GSTO1: variants seen among roughly 807,000 people sequenced by gnomAD.
GSTO1 encodes the protein glutathione S-transferase omega-1.
In GSTO1, 27 loss-of-function variants were observed where a neutral mutation model predicts 23.8. The observed-to-expected ratio is 1.13, with a 90% confidence interval of 0.83 to 1.56. The LOEUF (loss-of-function observed/expected upper bound fraction) is 1.56, where lower values mean the gene tolerates loss of function less well. GSTO1 is among the 40% of genes most tolerant of loss of function. The pLI is 0.00. For missense variants in GSTO1, 255 were observed against 285.8 expected (o/e 0.89, Z 0.78); for synonymous variants, 105 against 109.3 (o/e 0.96, Z 0.25).
intron 2 of GSTO1, among the ~76,000 whole-genome samples, chr10:104,257,854 A>T (rs2011108594): frequency 6.6e-6 from 1 of 152,190 alleles, no homozygotes; most frequent in African/African-American, 2.4e-5. Context: ...CCACAGATTT[A>T]TTCATTCATT....
chr10:104,255,109 CG>C, intron 1 of GSTO1, 53 bp from the exon 2 acceptor site: 2 of 1,468,168 alleles, frequency 1.4e-6, no homozygotes, highest in South Asian at 1.2e-5. Flanking sequence ...CGGTGGGATA[CG>C]GGGGGTCTCG....
chr10:104,260,588 A>G (rs1163837053), intron 3 of GSTO1, among the ~76,000 whole-genome samples: 2 of 152,252 alleles, frequency 1.3e-5, no homozygotes, highest in Non-Finnish European at 2.9e-5. Flanking sequence ...CTTACTTAGC[A>G]TCAACACTGT....
chr10:104,263,111 C>T (rs17883344), intron 4 of GSTO1, 34 bp downstream of exon 4: 14,358 of 852,468 alleles, frequency 0.017, 181 homozygotes, highest in Middle Eastern at 0.02. Flanking sequence ...TCAGAGTAAA[C>T]GATAACTATA....
At chr10:104,256,007 T>A (rs2091601478) in intron 2 of GSTO1, among the ~76,000 whole-genome samples, 1 of 152,346 alleles carries the variant, frequency 6.6e-6, no homozygotes, top group African/African-American at 2.4e-5. Flanking sequence ...TGTGGAAGGT[T>A]CTGTGGAAGT....
Position 104,254,901 on chromosome 10 carries a change from A to C in GSTO1, c.-28A>C. On this transcript the variant is annotated 5_prime_UTR_variant, in exon 1 of 6. Transcript: ENST00000369713. ...ACTTCCTGAATCCCCTGCAAACCCCAGAGGAGCTCGGCCTGCGCTGCGCCA... is the reference window on the plus strand; with the variant it reads ...ACTTCCTGAATCCCCTGCAAACCCCCGAGGAGCTCGGCCTGCGCTGCGCCA... 1 of 1,609,778 alleles carries C rather than the reference A, an allele frequency of 6.2e-7. No homozygotes were observed. Among genetic ancestry groups the C allele is most frequent in the Non-Finnish European group, 8.5e-7 (1 of 1,178,048 alleles).
upstream of GSTO1, chr10:104,254,643 C>T (rs1471556255): frequency 3.8e-6 from 2 of 521,598 alleles, no homozygotes; most frequent in African/African-American, 3.9e-5. Context: ...GAGTGGTGAC[C>T]CCTTCGTTCG....
chr10:104,257,293 A>G (rs892502829), intron 2 of GSTO1, among the ~76,000 whole-genome samples: 1 of 151,842 alleles, frequency 6.6e-6, no homozygotes, highest in African/African-American at 2.4e-5. Context: ...AACATTTTTT[A>G]AAAAATCAGT....
chr10:104,259,279 GC>G (rs2011116470), intron 2 of GSTO1, among the ~76,000 whole-genome samples: 1 of 152,186 alleles, frequency 6.6e-6, no homozygotes, highest in Non-Finnish European at 1.5e-5. Flanking sequence ...ATGTGTTAAT[GC>G]TATTCCACCT....
chr10:104,263,556 GA>G (rs1487845049), intron 4 of GSTO1, among the ~76,000 whole-genome samples: 2 of 152,112 alleles, frequency 1.3e-5, no homozygotes, highest in East Asian at 3.8e-4. Context: ...ACACTTGAGG[GA>G]AGCCCAGATG....
intron 3 of GSTO1, among the ~76,000 whole-genome samples, chr10:104,261,328 C>T (rs1037246987): frequency 1.3e-5 from 2 of 152,170 alleles, no homozygotes; most frequent in African/African-American, 4.8e-5. Flanking sequence ...CCCACCTTTA[C>T]TTCCCTGCTT....
intron 3 of GSTO1, 119 bp downstream of exon 3, chr10:104,259,917 C>T (rs1255944131): frequency 1.5e-6 from 1 of 672,020 alleles, no homozygotes; most frequent in Non-Finnish European, 2.6e-6. Context: ...ATATGCTTGT[C>T]AGCTCTGAGT....
At chr10:104,262,894 T>C in intron 3 of GSTO1, 85 bp from the exon 4 acceptor site, 1 of 656,890 alleles carries the variant, frequency 1.5e-6, no homozygotes. Context: ...ACACCAGGAC[T>C]GTAAGGGTTC....
chr10:104,261,173 G>A (rs576833098), intron 3 of GSTO1, among the ~76,000 whole-genome samples: 1 of 152,246 alleles, frequency 6.6e-6, no homozygotes, highest in South Asian at 2.1e-4. Context: ...TGTAGGACAC[G>A]TCAGAGAAAA....
intron 2 of GSTO1, 47 bp from the exon 3 acceptor site, chr10:104,259,529 C>A: frequency 8.0e-7 from 1 of 1,249,094 alleles, no homozygotes; most frequent in East Asian, 2.4e-5. Flanking sequence ...TATCCAAAAG[C>A]ACAAAAGTTG....
chr10:104,255,696 T>A (rs1440826343), intron 2 of GSTO1, among the ~76,000 whole-genome samples: 1 of 152,182 alleles, frequency 6.6e-6, no homozygotes, highest in East Asian at 1.9e-4. Flanking sequence ...CCTCCTAGAA[T>A]AGTAATTTAC....
intron 4 of GSTO1, among the ~76,000 whole-genome samples, chr10:104,264,954 C>T (rs2011167351): frequency 6.6e-6 from 1 of 152,140 alleles, no homozygotes; most frequent in African/African-American, 2.4e-5. Context: ...TATGGCTGCC[C>T]AGCATCAAGA....
intron 5 of GSTO1, among the ~76,000 whole-genome samples, chr10:104,266,935 G>A (rs2011196144): frequency 6.6e-6 from 1 of 152,122 alleles, no homozygotes; most frequent in Non-Finnish European, 1.5e-5. Flanking sequence ...TAATCTGGGT[G>A]TAGAATAATT....
In GSTO1 at chr10:104,258,180, C is replaced by A. The variant is rs73333278; in HGVS notation, c.144-1396C>A. On this transcript the variant is annotated intron_variant, in intron 2 of 5. Transcript: ENST00000369713. Reference sequence around the variant, plus strand: ...GGAGGGCCTGGGGATGTGTGTTTGACCTGGGAAGACCTGGGAAAAGGCAGG... The same window carrying A: ...GGAGGGCCTGGGGATGTGTGTTTGAACTGGGAAGACCTGGGAAAAGGCAGG... Among the ~76,000 whole-genome samples, 308 of 152,212 alleles carry A rather than the reference C, an allele frequency of 2.0e-3. 2 individuals carry two copies. The highest frequency in any genetic ancestry group is 7.1e-3 in the African/African-American group (293 of 41,532).
chr10:104,266,423 A>C (rs1332436223), intron 5 of GSTO1, among the ~76,000 whole-genome samples: 1 of 152,214 alleles, frequency 6.6e-6, no homozygotes, highest in African/African-American at 2.4e-5. Context: ...TTTAAAATTT[A>C]TTCCTTCCTT....
Sources: allele counts gnomAD v4.1 joint callset (sites outside exome capture counted in the v4.1 genomes callset), GRCh38; gene constraint gnomAD v4.1.1; transcripts MANE v1.5; gene names NCBI Gene and HGNC (gene_info 2026-07-23, HGNC 2026-07-21).